The following EVA1C variants were observed in gnomAD, a reference collection of about 807,000 sequenced individuals.
EVA1C encodes eva-1 homolog C, also known as protein eva-1 homolog C.
In EVA1C, 25 loss-of-function variants were observed where a neutral mutation model predicts 45.4. The observed-to-expected ratio is 0.55, with a 90% CI of 0.40 to 0.77. EVA1C has a LOEUF of 0.77. EVA1C is among the 30% of genes least tolerant of loss of function. EVA1C has a pLI of 0.00. For synonymous variants in EVA1C, 190 were observed against 221.2 expected, an observed-to-expected ratio of 0.86 and a Z score of 1.25; for missense variants, 479 against 554.8, an observed-to-expected ratio of 0.86 and a Z score of 1.37.
chr21:32,456,210 G>A (rs1014034005), intron 2 of EVA1C, among the ~76,000 whole-genome samples: 19 of 152,114 alleles, frequency 1.2e-4, no homozygotes, highest in African/African-American at 4.6e-4. Context: ...TGTCTTTTAA[G>A]CTGCACTCGG....
At chr21:32,462,808 C>T (rs1392954449) in intron 3 of EVA1C, among the ~76,000 whole-genome samples, 1 of 152,232 alleles carries the variant, frequency 6.6e-6, no homozygotes, top group South Asian at 2.1e-4. Flanking sequence ...GAGCCCATCC[C>T]TCTGCTTCGG....
In EVA1C at chr21:32,452,673, CA is replaced by C. The variant is rs1223686212; in HGVS notation, c.161-637del. The C allele has an allele frequency of 6.6e-6, 1 of 152,140 alleles. No individual in the cohort carries two copies. The highest frequency in any genetic ancestry group is 2.4e-5 in the African/African-American group (1 of 41,410). 9.4% of individuals were successfully genotyped at this position (152,140 alleles called of 1,614,324 possible). On this transcript the variant is annotated intron_variant, in intron 1 of 7. Coordinates refer to ENST00000300255, the MANE Select transcript of EVA1C (RefSeq NM_058187.5). This position sits in a 1 kb window ranked among gnomAD's most constrained non-coding sequence, Gnocchi z 4.0. ...TTCGCATGGACTTGGAGAAGGAGTG[CA>C]AGGTTTTATTGAGTGGAGGAGGTGG... is the stretch of plus-strand genomic sequence containing the variant.
Position 32,513,653 on chromosome 21 carries a change from C to T in EVA1C, c.950-1161C>T, listed in dbSNP as rs185447601. On this transcript the variant is annotated intron_variant, in intron 7 of 7. Transcript: ENST00000300255. ...CCAGGCTCAAGTGATCCTCCCACCTCAGCTTCCCTAGTAGCTAGGACTACA... is the reference window on the plus strand; with the variant it reads ...CCAGGCTCAAGTGATCCTCCCACCTTAGCTTCCCTAGTAGCTAGGACTACA... Among the ~76,000 whole-genome samples the T allele has an allele frequency of 2.2e-3, 330 of 148,806 alleles. 1 individual carries two copies. The highest frequency in any genetic ancestry group is 7.7e-3 in the African/African-American group (311 of 40,288).
intron 1 of EVA1C, among the ~76,000 whole-genome samples, chr21:32,449,175 G>A (rs1456977550): frequency 6.6e-6 from 1 of 152,156 alleles, no homozygotes; most frequent in Non-Finnish European, 1.5e-5. Flanking sequence ...TCAAACCTGA[G>A]TGCGATATTT....
chr21:32,450,030 C>G (rs1273027976), intron 1 of EVA1C, among the ~76,000 whole-genome samples: 32 of 152,172 alleles, frequency 2.1e-4, no homozygotes, highest in Admixed American at 2.0e-3. Context: ...CTTCAAAGTG[C>G]AAAGCACCTG....
intron 4 of EVA1C, among the ~76,000 whole-genome samples, chr21:32,472,835 A>G (rs1465765780): frequency 6.6e-6 from 1 of 152,192 alleles, no homozygotes; most frequent in Non-Finnish European, 1.5e-5. Flanking sequence ...TGTTCAAGGT[A>G]AAAAGCTCCA....
chr21:32,500,274 T>C (rs1266521731), intron 5 of EVA1C, among the ~76,000 whole-genome samples: 1 of 138,238 alleles, frequency 7.2e-6, no homozygotes, highest in African/African-American at 2.6e-5. Flanking sequence ...CTCAGCTCAG[T>C]GCAACCTCTG....
Position 32,434,483 on chromosome 21 carries a change from C to A in EVA1C, c.161-18829C>A, listed in dbSNP as rs566438348. Among the ~76,000 whole-genome samples the A allele has an allele frequency of 5.2e-3, 737 of 142,908 alleles. 5 individuals carry two copies. The highest frequency in any genetic ancestry group is 0.017 in the African/African-American group (642 of 38,592). The allele number at this position is 142,908 out of a possible 152,430, so 93.8% of individuals were successfully genotyped here. A position where few individuals can be genotyped will look rare whatever the true frequency, so the allele number is the denominator to read the frequency against. ...GTGGGCACCTGTAGTCCCAGCTACT[C>A]GGGAGGCTGAGGCAGGAGAATGGCA... On this transcript the variant is annotated intron_variant, in intron 1 of 7. Coordinates refer to ENST00000300255, the MANE Select transcript of EVA1C (RefSeq NM_058187.5).
chr21:32,501,000 A>G (rs1237330645), intron 5 of EVA1C, among the ~76,000 whole-genome samples: 2 of 151,916 alleles, frequency 1.3e-5, no homozygotes, highest in African/African-American at 2.4e-5. Context: ...TTCAGTACAG[A>G]CGGGGTTTCA....
Position 32,491,020 on chromosome 21 carries a change from C to T in EVA1C, c.635-4007C>T, listed in dbSNP as rs1001932048. ...GGAGCTCCCTGTCTAGTCTGGATAGCGACAAATGAGCAAATAAGTAGAGCC... is the reference window on the plus strand; with the variant it reads ...GGAGCTCCCTGTCTAGTCTGGATAGTGACAAATGAGCAAATAAGTAGAGCC... On this transcript the variant is annotated intron_variant, in intron 4 of 7. Coordinates refer to ENST00000300255, the MANE Select transcript of EVA1C (RefSeq NM_058187.5). 3.3e-5 allele frequency among the ~76,000 whole-genome samples: 5 copies of T among 152,090 alleles called. No individual in the cohort carries two copies. In the South Asian group the frequency reaches 6.2e-4, roughly 19 times the overall value.
chr21:32,419,585 T>C (rs2034183147), intron 1 of EVA1C, among the ~76,000 whole-genome samples: 1 of 152,208 alleles, frequency 6.6e-6, no homozygotes, highest in South Asian at 2.1e-4. Context: ...CATAGTGGCA[T>C]GCTCCTGTAA....
intron 1 of EVA1C, among the ~76,000 whole-genome samples, chr21:32,450,220 G>A (rs565446116): frequency 4.6e-5 from 7 of 152,252 alleles, no homozygotes; most frequent in Admixed American, 1.3e-4. Flanking sequence ...TCTGTTTAGC[G>A]GGGATAGACT....
chr21:32,435,663 C>T (rs1235985746), intron 1 of EVA1C, among the ~76,000 whole-genome samples: 1 of 152,266 alleles, frequency 6.6e-6, no homozygotes, highest in Non-Finnish European at 1.5e-5. Context: ...AAATCCCTGT[C>T]TTTACAGTCA....
At chr21:32,469,838 C>T (rs996276107) in intron 4 of EVA1C, among the ~76,000 whole-genome samples, 4 of 152,176 alleles carry the variant, frequency 2.6e-5, no homozygotes, top group Admixed American at 2.0e-4. Context: ...GGCCCATCCA[C>T]GTGGTGGAGT....
chr21:32,456,677 T>C (rs1413298358), intron 2 of EVA1C, among the ~76,000 whole-genome samples: 1 of 152,192 alleles, frequency 6.6e-6, no homozygotes, highest in African/African-American at 2.4e-5. Context: ...AATAAGCAGA[T>C]TCTTGGGAAC....
rs1022245350 is a variant in EVA1C at position 32,514,910 on chromosome 21, A to G, written c.1046A>G (p.Lys349Arg). 5.6e-6 allele frequency: 9 copies of G among 1,613,982 alleles called. No individual in the cohort carries two copies. The South Asian group carries it at 7.7e-5, about 14-fold the overall frequency. Residue 349 changes from lysine (K) to arginine (R), a missense_variant, in exon 8 of 8, where the codon AAG becomes AGG. By Grantham distance (26) the Lys-to-Arg change is conservative. Around this residue, in one of 3 missense-constraint regions of EVA1C, gnomAD observed 366 missense variants for 426.1 expected, o/e 0.86. Coordinates refer to ENST00000300255, the MANE Select transcript of EVA1C (RefSeq NM_058187.5). ...CTGGTCATCAGAGAGTCCTGTGCCA[A>G]GGACTTCCGCGACTTGCAGCTGGGG... is the stretch of plus-strand genomic sequence containing the variant. ...CALVIRESCA[K>R]DFRDLQLGRE...
chr21:32,477,195 GGCTTTA>G (rs2036599050), intron 4 of EVA1C, among the ~76,000 whole-genome samples: 1 of 152,048 alleles, frequency 6.6e-6, no homozygotes, highest in African/African-American at 2.4e-5. Flanking sequence ...AGACGCACTT[GGCTTTA>G]GCACATCAAG....
intron 3 of EVA1C, among the ~76,000 whole-genome samples, chr21:32,465,509 TAGGG>T (rs2036140809): frequency 6.6e-6 from 1 of 152,178 alleles, no homozygotes; most frequent in Non-Finnish European, 1.5e-5. Context: ...ACAGTGGTGA[TAGGG>T]TAGAGCTAGC....
In EVA1C at chr21:32,457,654, GT is replaced by G; in HGVS notation, c.420del (p.Phe140LeufsTer24). ...RACHLLVNSRVFGPDLCPGSS... is the reference protein window; with the variant it reads ...RACHLLVNSRXFGPDLCPGSS... ...CTGCCACCTCCTGGTCAATAGCCGT[GT>G]TTTTGGACCTGACCTTTGTCCAGGA... On this transcript the variant is annotated frameshift_variant, in exon 3 of 8. Transcript: ENST00000300255. LOFTEE classifies it high-confidence loss of function. 1.2e-6 allele frequency: 2 copies of G among 1,614,162 alleles called. No homozygotes were observed. Among genetic ancestry groups the G allele is most frequent in the Non-Finnish European group, 1.7e-6 (2 of 1,180,020 alleles).
Sources: gnomAD v4.1 joint callset for allele counts (sites outside exome capture counted in the v4.1 genomes callset) on GRCh38, gnomAD v4.1.1 for gene constraint, gnomAD v4.1.1 regional missense constraint, Gnocchi (gnomAD v3.1) non-coding constraint, MANE v1.5 for transcripts, NCBI Gene and HGNC (gene_info 2026-07-23, HGNC 2026-07-21) for gene names.